The following PDE4B variants were observed in gnomAD, a reference collection of about 807,000 sequenced individuals.
The protein encoded by PDE4B is 3',5'-cyclic-AMP phosphodiesterase 4B.
PDE4B carries 20 observed loss-of-function variants against 82.2 expected under a neutral mutation model. That is an observed-to-expected ratio of 0.24 (90% CI 0.17 to 0.35). The LOEUF (loss-of-function observed/expected upper bound fraction) is 0.35, where lower values mean the gene tolerates loss of function less well. Among genes scored for constraint, PDE4B ranks in the 10% least tolerant of loss-of-function variants. PDE4B has a pLI of 1.00. For missense variants in PDE4B, 655 were observed against 907.2 expected (o/e 0.72, Z 3.57); for synonymous variants, 320 against 318.9 (o/e 1.00, Z -0.04).
chr1:66,244,142 G>A (rs1653110282), intron 3 of PDE4B, among the ~76,000 whole-genome samples: 1 of 152,158 alleles, frequency 6.6e-6, no homozygotes, highest in East Asian at 1.9e-4. Context: ...TTGTGATACA[G>A]CAACTGAATG....
intron 7 of PDE4B, among the ~76,000 whole-genome samples, chr1:66,306,024 G>A (rs1317816147): frequency 1.3e-5 from 2 of 152,106 alleles, no homozygotes; most frequent in Non-Finnish European, 2.9e-5. Context: ...GAAGCCTGAT[G>A]TAGGCCTTGA....
intron 3 of PDE4B, among the ~76,000 whole-genome samples, chr1:65,967,998 C>A (rs1180861630): frequency 2.0e-5 from 3 of 151,864 alleles, no homozygotes; most frequent in African/African-American, 4.8e-5. Flanking sequence ...GAACATGTAT[C>A]CTAGAACTTA....
chr1:66,097,082 G>A (rs1236907608), intron 3 of PDE4B, among the ~76,000 whole-genome samples: 2 of 151,946 alleles, frequency 1.3e-5, no homozygotes, highest in African/African-American at 4.8e-5. Flanking sequence ...AGTTTTGTAT[G>A]GACATAGTTT....
At chr1:65,868,788 G>A (rs1319347275) in intron 1 of PDE4B, among the ~76,000 whole-genome samples, 2 of 152,198 alleles carry the variant, frequency 1.3e-5, no homozygotes, top group East Asian at 3.9e-4. Context: ...ATCAGAGGTG[G>A]CATTAGGTTT....
chr1:66,111,686 A>T (rs1277521033), intron 3 of PDE4B, among the ~76,000 whole-genome samples: 1 of 152,062 alleles, frequency 6.6e-6, no homozygotes, highest in East Asian at 1.9e-4. Flanking sequence ...AACATTTGAG[A>T]AGAAAGGCAC....
intron 8 of PDE4B, among the ~76,000 whole-genome samples, chr1:66,351,030 T>C (rs1485260705): frequency 6.6e-6 from 1 of 152,230 alleles, no homozygotes; most frequent in Non-Finnish European, 1.5e-5. Context: ...TAATATTAAA[T>C]CACATATCTA....
chr1:66,111,656 A>T (rs1645487715), intron 3 of PDE4B, among the ~76,000 whole-genome samples: 1 of 152,108 alleles, frequency 6.6e-6, no homozygotes, highest in South Asian at 2.1e-4. Context: ...CATTTTGTTT[A>T]ATCCATTCAT....
chr1:66,323,293 TA>T (rs1170197933), intron 7 of PDE4B, among the ~76,000 whole-genome samples: 1 of 152,140 alleles, frequency 6.6e-6, no homozygotes, highest in Non-Finnish European at 1.5e-5. Context: ...ACTTAATTCT[TA>T]TTCCTCAAAA....
At chr1:66,333,468 A>G (rs78012721) in intron 8 of PDE4B, among the ~76,000 whole-genome samples, 1 of 12,744 alleles carries the variant, frequency 7.8e-5, no homozygotes, top group Admixed American at 8.5e-4. Context: ...ATGTGTGTGT[A>G]CACACACACA....
chr1:65,987,716 A>G (rs1271646392), intron 3 of PDE4B, among the ~76,000 whole-genome samples: 1 of 152,076 alleles, frequency 6.6e-6, no homozygotes, highest in African/African-American at 2.4e-5. Flanking sequence ...GGGTTCCAGT[A>G]ATTCTCCTGC....
chr1:65,803,615 C>T (rs576502436), intron 1 of PDE4B, among the ~76,000 whole-genome samples: 1 of 152,034 alleles, frequency 6.6e-6, no homozygotes, highest in Non-Finnish European at 1.5e-5. Flanking sequence ...AGATTTTGCC[C>T]AGATATAAAA....
intron 8 of PDE4B, among the ~76,000 whole-genome samples, chr1:66,343,958 A>G (rs1258343613): frequency 6.6e-6 from 1 of 152,096 alleles, no homozygotes; most frequent in Non-Finnish European, 1.5e-5. Context: ...TGATGGTGAG[A>G]AGCTAGGGAC....
chr1:66,247,583 C>G lies in PDE4B; in HGVS notation c.405C>G (p.Leu135=). 1 of 1,611,450 alleles carries G rather than the reference C, an allele frequency of 6.2e-7. No homozygotes were observed. Among genetic ancestry groups the G allele is most frequent in the Non-Finnish European group, 8.5e-7 (1 of 1,178,598 alleles). The part of the protein sequence containing the change: ...PGHSQRRESF[L]YRSDSDYDLS... The stretch of plus-strand genomic sequence containing the variant: ...ACAGCCAGCGCAGAGAGTCATTTCT[C>G]TACAGATCAGACAGCGACTATGACT... The change falls in exon 4 of 17, where the codon CTC becomes CTG. Residue 135 remains leucine (L), a synonymous_variant. Transcript: ENST00000341517.
At chr1:65,854,417 A>G (rs1251499318) in intron 1 of PDE4B, among the ~76,000 whole-genome samples, 1 of 150,690 alleles carries the variant, frequency 6.6e-6, no homozygotes, top group African/African-American at 2.4e-5. Context: ...AACGTATCCT[A>G]TAGTGCATAC....
At chr1:66,248,773 A>C (rs1338915581) in intron 4 of PDE4B, among the ~76,000 whole-genome samples, 1 of 152,214 alleles carries the variant, frequency 6.6e-6, no homozygotes, top group Non-Finnish European at 1.5e-5. Flanking sequence ...CTAAATAAGA[A>C]AGATAAGAGG....
intron 8 of PDE4B, among the ~76,000 whole-genome samples, chr1:66,337,949 AT>A (rs1336362148): frequency 1.3e-5 from 2 of 152,276 alleles, no homozygotes; most frequent in Non-Finnish European, 2.9e-5. Flanking sequence ...GTATAGTAAT[AT>A]AGACAATAAA....
At chr1:65,818,685 C>CACATATATATATATATATATAT (rs141035147) in intron 1 of PDE4B, among the ~76,000 whole-genome samples, 21 of 143,770 alleles carry the variant, frequency 1.5e-4, no homozygotes, top group East Asian at 6.2e-4. Context: ...CACACACACA[C>CACATATATATATATATATATAT]ATATATATAT....
At chr1:65,991,124 C>T (rs1651219242) in intron 3 of PDE4B, among the ~76,000 whole-genome samples, 1 of 151,446 alleles carries the variant, frequency 6.6e-6, no homozygotes, top group Non-Finnish European at 1.5e-5. Context: ...GTCACCAAGG[C>T]TGGAGTGCAG....
chr1:66,230,633 C>T (rs910665441), intron 3 of PDE4B, among the ~76,000 whole-genome samples: 9 of 152,172 alleles, frequency 5.9e-5, no homozygotes, highest in Non-Finnish European at 7.3e-5. Context: ...GACCGTTAGC[C>T]TTTAAACAGA....
Sources: gnomAD v4.1 joint callset for allele counts (sites outside exome capture counted in the v4.1 genomes callset) on GRCh38, gnomAD v4.1.1 for gene constraint, MANE v1.5 for transcripts, NCBI Gene and HGNC (gene_info 2026-07-23, HGNC 2026-07-21) for gene names.